The following NRXN3 variants were observed in gnomAD, a reference collection of about 807,000 sequenced individuals.
The protein encoded by NRXN3 is neurexin III.
In NRXN3, 32 loss-of-function variants were observed where a neutral mutation model predicts 137.6. That is an observed-to-expected ratio of 0.23 (90% CI 0.18 to 0.31). The LOEUF (loss-of-function observed/expected upper bound fraction) is 0.31. Among genes scored for constraint, NRXN3 ranks in the 10% least tolerant of loss-of-function variants. The pLI, the probability that NRXN3 is intolerant of heterozygous loss-of-function variation, is 1.00. For missense variants in NRXN3, 1,574 were observed against 2,062.5 expected (o/e 0.76, Z 4.59); for synonymous variants, 798 against 784.5 (o/e 1.02, Z -0.29).
At chr14:78,627,347 C>T (rs1001913421) in intron 4 of NRXN3, among the ~76,000 whole-genome samples, 4 of 152,082 alleles carry the variant, frequency 2.6e-5, no homozygotes, top group African/African-American at 9.7e-5. Context: ...CATTCTCTCC[C>T]TGAAGTCATA....
chr14:78,524,182 A>G (rs2096338024), intron 4 of NRXN3, among the ~76,000 whole-genome samples: 1 of 152,172 alleles, frequency 6.6e-6, no homozygotes, highest in African/African-American at 2.4e-5. Flanking sequence ...AATCTCAGAA[A>G]TCTTAGTGTA....
chr14:79,022,221 C>T (rs1340116780), intron 15 of NRXN3, among the ~76,000 whole-genome samples: 2 of 152,130 alleles, frequency 1.3e-5, no homozygotes, highest in Non-Finnish European at 2.9e-5. Context: ...GCAGTAGATA[C>T]TGCCATAAAA....
intron 15 of NRXN3, among the ~76,000 whole-genome samples, chr14:79,406,518 G>A (rs1427285017): frequency 1.3e-5 from 2 of 151,832 alleles, no homozygotes; most frequent in African/African-American, 2.4e-5. Flanking sequence ...TGCCCAGCTG[G>A]TCTAGATCTC....
At chr14:79,173,309 C>G (rs1455230721) in intron 15 of NRXN3, among the ~76,000 whole-genome samples, 1 of 151,946 alleles carries the variant, frequency 6.6e-6, no homozygotes, top group Non-Finnish European at 1.5e-5. Context: ...GTGGGAGGAT[C>G]ACTTGAGCCC....
chr14:79,386,896 C>T (rs1484612513), intron 15 of NRXN3, among the ~76,000 whole-genome samples: 1 of 152,182 alleles, frequency 6.6e-6, no homozygotes, highest in East Asian at 1.9e-4. Flanking sequence ...ACTGGCTAGC[C>T]ATATGTAGAA....
chr14:79,655,214 C>T (rs903799187), intron 16 of NRXN3, among the ~76,000 whole-genome samples: 1 of 152,184 alleles, frequency 6.6e-6, no homozygotes, highest in African/African-American at 2.4e-5. Flanking sequence ...GGACTAGCAG[C>T]AATCAGTCAG....
intron 11 of NRXN3, among the ~76,000 whole-genome samples, chr14:78,962,455 T>C (rs1009746148): frequency 4.6e-5 from 7 of 152,176 alleles, no homozygotes; most frequent in Non-Finnish European, 8.8e-5. Context: ...TGAATATATT[T>C]GCCCCTTAAG....
At chr14:79,172,408 C>T (rs983935161) in intron 15 of NRXN3, among the ~76,000 whole-genome samples, 1 of 151,946 alleles carries the variant, frequency 6.6e-6, no homozygotes, top group Non-Finnish European at 1.5e-5. Flanking sequence ...TTACCTTTAA[C>T]AATTTTGAAT....
intron 15 of NRXN3, among the ~76,000 whole-genome samples, chr14:79,079,767 A>G (rs1250602592): frequency 2.0e-5 from 3 of 152,154 alleles, no homozygotes; most frequent in Non-Finnish European, 4.4e-5. Flanking sequence ...AGGCGGGTGG[A>G]TCACAAGGTC....
At chr14:79,078,450 T>C (rs370533279) in intron 15 of NRXN3, among the ~76,000 whole-genome samples, 3 of 152,314 alleles carry the variant, frequency 2.0e-5, no homozygotes, top group East Asian at 3.9e-4. Context: ...CCATCCAACC[T>C]TGCTCTGCAT....
intron 17 of NRXN3, among the ~76,000 whole-genome samples, chr14:79,675,705 G>A (rs1749737716): frequency 1.3e-5 from 2 of 152,014 alleles, no homozygotes; most frequent in Non-Finnish European, 2.9e-5. Context: ...AAGAAGGACA[G>A]GCACTCCATT....
At chr14:78,714,346 T>G (rs907519444) in intron 7 of NRXN3, among the ~76,000 whole-genome samples, 3 of 152,210 alleles carry the variant, frequency 2.0e-5, no homozygotes, top group Non-Finnish European at 2.9e-5. Flanking sequence ...GTGGGGACAG[T>G]TATTTTCCCA....
intron 16 of NRXN3, among the ~76,000 whole-genome samples, 193 bp downstream of exon 16, chr14:79,467,595 C>T (rs1339388066): frequency 2.0e-5 from 3 of 152,166 alleles, no homozygotes; most frequent in Non-Finnish European, 4.4e-5. Flanking sequence ...TCCTTCTTCC[C>T]CATGTATATA....
intron 19 of NRXN3, among the ~76,000 whole-genome samples, chr14:79,750,593 C>T (rs1340111552): frequency 1.3e-5 from 2 of 152,196 alleles, no homozygotes; most frequent in Middle Eastern, 3.4e-3. Context: ...CAACATGAGA[C>T]CTGAAAGTAG....
chr14:79,215,858 C>G (rs914665374), intron 15 of NRXN3, among the ~76,000 whole-genome samples: 3 of 152,138 alleles, frequency 2.0e-5, no homozygotes, highest in African/African-American at 4.8e-5. Context: ...TAAAAAAACA[C>G]AATTCAAAGA....
rs79462915 is a variant in NRXN3 at position 79,375,170 on chromosome 14, C to A, written c.3263-92051C>A. On this transcript the variant is annotated intron_variant, in intron 15 of 20. Coordinates refer to ENST00000335750, the MANE Select transcript of NRXN3 (RefSeq NM_001330195.2). The stretch of plus-strand genomic sequence containing the variant: ...CGAGTCAGGAGAAGAGGGGTTAAAA[C>A]CTGATTCCTCCAGTTATATAGTCAT... 6.1e-3 allele frequency among the ~76,000 whole-genome samples: 922 copies of A among 151,902 alleles called. 9 individuals are homozygous for A. The highest frequency in any genetic ancestry group is 0.049 in the South Asian group (235 of 4,800).
At chr14:79,397,843 T>A (rs1372844376) in intron 15 of NRXN3, among the ~76,000 whole-genome samples, 1 of 152,218 alleles carries the variant, frequency 6.6e-6, no homozygotes, top group Non-Finnish European at 1.5e-5. Flanking sequence ...TAGCTACAAC[T>A]CACTGGCTGA....
At chr14:79,354,355 C>T (rs2093343148) in intron 15 of NRXN3, among the ~76,000 whole-genome samples, 1 of 152,092 alleles carries the variant, frequency 6.6e-6, no homozygotes, top group Non-Finnish European at 1.5e-5. Context: ...CAACTGGTGT[C>T]TGTAAAAATG....
At chr14:79,165,460 GA>G (rs1424292921) in intron 15 of NRXN3, among the ~76,000 whole-genome samples, 1 of 151,942 alleles carries the variant, frequency 6.6e-6, no homozygotes, top group Non-Finnish European at 1.5e-5. Flanking sequence ...TTGTCTTAAA[GA>G]AAAGGTTCCA....
Sources: allele counts gnomAD v4.1 joint callset (sites outside exome capture counted in the v4.1 genomes callset), GRCh38; gene constraint gnomAD v4.1.1; transcripts MANE v1.5; gene names NCBI Gene and HGNC (gene_info 2026-07-23, HGNC 2026-07-21).